Variants in ENG observed in about 807,000 individuals in gnomAD.
The protein encoded by ENG is CD105 antigen.
ENG carries 17 observed loss-of-function variants against 71.0 expected under a neutral mutation model. That is an observed-to-expected ratio of 0.24 (90% CI 0.16 to 0.36). The LOEUF (loss-of-function observed/expected upper bound fraction) is 0.36, where lower values mean the gene tolerates loss of function less well. Ranked by LOEUF, ENG falls within the 10% of genes least tolerant of loss-of-function variation. The pLI is 1.00. For synonymous variants in ENG, 360 were observed against 366.9 expected (o/e 0.98, Z 0.21); for missense variants, 749 against 868.3 (o/e 0.86, Z 1.73).
intron 3 of ENG, among the ~76,000 whole-genome samples, chr9:127,829,479 A>G (rs1830705688): frequency 6.6e-6 from 1 of 152,184 alleles, no homozygotes; most frequent in Non-Finnish European, 1.5e-5. Context: ...CTCTTGGTCT[A>G]GACTCTTTAC....
chr9:127,818,385 G>C lies in ENG; in HGVS notation c.1429-8C>G, dbSNP rs376169815. The C allele has an allele frequency of 6.8e-6, 11 of 1,612,898 alleles. No homozygotes were observed. The African/African-American group carries it at 1.5e-4, about 22-fold the overall frequency. ...GGATGGGGACACTCTGACCTGCATG[G>C]GTAGGTAGGGCCACGCGGCATGGGC... On this transcript the variant is annotated splice_polypyrimidine_tract_variant and splice_region_variant and intron_variant, in intron 11 of 14. Coordinates refer to ENST00000373203, the MANE Select transcript of ENG (RefSeq NM_001114753.3).
Position 127,824,375 on chromosome 9 carries a change from G to A in ENG, c.1063C>T (p.Leu355Phe), listed in dbSNP as rs1830549584. 15 of 1,614,186 alleles carry A rather than the reference G, an allele frequency of 9.3e-6. No homozygotes were observed. The highest frequency in any genetic ancestry group is 1.3e-5 in the Non-Finnish European group (15 of 1,180,030). Residue 355 changes from leucine (L) to phenylalanine (F), a missense_variant, in exon 8 of 15, where the codon CTC becomes TTC. Transcript: ENST00000373203. ...CACTTTGTCTGGATCAAGGACATGA[G>A]CAGCTCCGGGCTACAAGTGTCCTTG... ...PPKDTCSPEL[L>F]MSLIQTKCAD...
intron 1 of ENG, among the ~76,000 whole-genome samples, chr9:127,844,090 TTTTA>T (rs1443853903): frequency 3.4e-5 from 5 of 148,860 alleles, no homozygotes; most frequent in Non-Finnish European, 5.9e-5. Flanking sequence ...TATTTTTATT[TTTTA>T]TTTATTTTTA....
chr9:127,839,980 A>G (rs972828005), intron 2 of ENG, among the ~76,000 whole-genome samples: 5 of 152,244 alleles, frequency 3.3e-5, no homozygotes, highest in African/African-American at 1.2e-4. Context: ...TGGAACCCAG[A>G]GAGAAATAAT....
At chr9:127,816,718 T>G (rs1488028770) in intron 13 of ENG, 4 of 285,042 alleles carry the variant, frequency 1.4e-5, no homozygotes, top group Non-Finnish European at 2.7e-5. Flanking sequence ...TTCTGCCTGG[T>G]GTGGGCCTGG....
chr9:127,816,280 G>T, intron 13 of ENG: 1 of 619,348 alleles, frequency 1.6e-6, no homozygotes, highest in Non-Finnish European at 2.9e-6. Context: ...AGGCCTTTTG[G>T]GTCATGCCTC....
intron 1 of ENG, among the ~76,000 whole-genome samples, chr9:127,851,052 A>T (rs569198574): frequency 6.6e-6 from 1 of 152,292 alleles, no homozygotes; most frequent in East Asian, 1.9e-4. Flanking sequence ...TAGCTTAAAA[A>T]GTTAGAAAAA....
intron 1 of ENG, among the ~76,000 whole-genome samples, chr9:127,845,201 G>T (rs1198284727): frequency 6.6e-6 from 1 of 152,190 alleles, no homozygotes; most frequent in Non-Finnish European, 1.5e-5. Flanking sequence ...TTCATGTCCA[G>T]CCAAGGCCGG....
At chr9:127,833,861 T>A (rs753483242) in intron 2 of ENG, among the ~76,000 whole-genome samples, 2 of 152,254 alleles carry the variant, frequency 1.3e-5, no homozygotes, top group Non-Finnish European at 2.9e-5. Flanking sequence ...CCATAATTAC[T>A]CTTTGCTTTT....
intron 3 of ENG, among the ~76,000 whole-genome samples, chr9:127,828,423 C>T (rs1180886123): frequency 1.3e-5 from 2 of 152,206 alleles, no homozygotes; most frequent in African/African-American, 2.4e-5. Flanking sequence ...CCCCTCTGGC[C>T]ACCGGCCCCA....
intron 10 of ENG, chr9:127,819,380 A>G: frequency 1.8e-6 from 1 of 548,310 alleles, no homozygotes; most frequent in South Asian, 2.0e-5. Flanking sequence ...GGGCCCAGAA[A>G]ACTAAAGTGA....
At chr9:127,816,138 T>G in intron 13 of ENG, 85 bp from the exon 14 acceptor site, 3 of 1,506,910 alleles carry the variant, frequency 2.0e-6, no homozygotes, top group Non-Finnish European at 2.7e-6. Context: ...TGGGCTTTGG[T>G]GCCAGCTCTG....
chr9:127,835,687 C>T (rs1398461940), intron 2 of ENG, among the ~76,000 whole-genome samples: 1 of 152,156 alleles, frequency 6.6e-6, no homozygotes, highest in Non-Finnish European at 1.5e-5. Context: ...TGTCCCTGTT[C>T]CTCTATGCCT....
Position 127,824,824 on chromosome 9 carries a change from C to T in ENG, c.967G>A (p.Val323Ile), listed in dbSNP as rs1460287282. Residue 323 changes from valine to isoleucine, a missense_variant, in exon 7 of 15, where the codon GTC becomes ATC. Transcript: ENST00000373203. ...SFVELPLASI[V>I]SLHASSCGGR... ...CCGCAGCTGGAGGCATGAAGTGAGA[C>T]AATGCTGGCCAGCGGTAGCTCCACG... 1 of 1,583,020 alleles carries T rather than the reference C, an allele frequency of 6.3e-7. No individual in the cohort carries two copies. Among genetic ancestry groups the T allele is most frequent in the South Asian group, 1.2e-5 (1 of 86,334 alleles).
intron 13 of ENG, chr9:127,816,486 T>G: frequency 3.2e-6 from 1 of 313,922 alleles, no homozygotes. Context: ...GCTCTTGGAT[T>G]GCTCCAAGCC....
chr9:127,829,548 G>C, intron 3 of ENG, 139 bp downstream of exon 3: 1 of 1,180,020 alleles, frequency 8.5e-7, no homozygotes, highest in Non-Finnish European at 1.2e-6. Flanking sequence ...CACCAGGCAG[G>C]ACCCTGGTGA....
intron 2 of ENG, among the ~76,000 whole-genome samples, chr9:127,830,993 C>T (rs1401841102): frequency 6.6e-6 from 1 of 152,078 alleles, no homozygotes; most frequent in Non-Finnish European, 1.5e-5. Context: ...GTACCCACTG[C>T]ATTAAAATTT....
At chr9:127,849,868 T>C (rs1471818843) in intron 1 of ENG, among the ~76,000 whole-genome samples, 1 of 152,214 alleles carries the variant, frequency 6.6e-6, no homozygotes, top group Admixed American at 6.5e-5. Flanking sequence ...AGTACCTCAG[T>C]CTCCCCATCT....
At chr9:127,845,490 C>CAT (rs1047633388) in intron 1 of ENG, among the ~76,000 whole-genome samples, 6 of 152,212 alleles carry the variant, frequency 3.9e-5, no homozygotes, top group African/African-American at 1.4e-4. Context: ...AGTGCCTGGA[C>CAT]ATAGTGGCAT....
Sources: allele counts gnomAD v4.1 joint callset (sites outside exome capture counted in the v4.1 genomes callset), GRCh38; gene constraint gnomAD v4.1.1; transcripts MANE v1.5; gene names NCBI Gene and HGNC (gene_info 2026-07-23, HGNC 2026-07-21).